COPS2: variants seen among roughly 807,000 people sequenced by gnomAD.
COPS2 encodes COP9 signalosome subunit 2.
Under a neutral mutation model 66.1 loss-of-function variants are expected in COPS2, and 10 were observed. That is an observed-to-expected ratio of 0.15 (90% CI 0.09 to 0.26). The LOEUF (loss-of-function observed/expected upper bound fraction) is 0.26, where lower values mean the gene tolerates loss of function less well. Among genes scored for constraint, COPS2 ranks in the 10% least tolerant of loss-of-function variants. The pLI is 1.00. For synonymous variants in COPS2, 179 were observed against 171.3 expected (o/e 1.04, Z -0.35); for missense variants, 215 against 513.3 (o/e 0.42, Z 5.62).
At chr15:49,135,410 C>T (rs12438777) in intron 6 of COPS2, among the ~76,000 whole-genome samples, 89,346 of 151,930 alleles carry the variant, frequency 0.59, 26,426 homozygotes, top group Middle Eastern at 0.67. Context: ...GCCAAGGTTC[C>T]CGGTCTCAAA....
chr15:49,131,032 T>G (rs2084204527), intron 9 of COPS2, among the ~76,000 whole-genome samples: 1 of 152,152 alleles, frequency 6.6e-6, no homozygotes, highest in Non-Finnish European at 1.5e-5. Flanking sequence ...AAAAGAAAGA[T>G]TAAATAAATC....
rs751093881 is a variant in COPS2 at position 49,145,042 on chromosome 15, C to T, written c.91G>A (p.Asp31Asn). The T allele has an allele frequency of 6.2e-7, 1 of 1,600,394 alleles. No individual in the cohort carries two copies. Among genetic ancestry groups the T allele is most frequent in the Non-Finnish European group, 8.5e-7 (1 of 1,173,310 alleles). Reference sequence around the variant, plus strand: ...GAATTATAGTACTGATTTTCCAAATCCACATTTGGCTCGGAGTTACTATCT... The same window carrying T: ...GAATTATAGTACTGATTTTCCAAATTCACATTTGGCTCGGAGTTACTATCT... ...SEDSNSEPNV[D>N]LENQYYNSKA... Residue 31 changes from aspartate to asparagine, a missense_variant, in exon 2 of 13, where the codon GAT becomes AAT. Asp to Asn is a conservative substitution (Grantham distance 23). Transcript: ENST00000388901.
chr15:49,136,998 A>C (rs2141126719), intron 6 of COPS2, 152 bp downstream of exon 6: 1 of 610,814 alleles, frequency 1.6e-6, no homozygotes, highest in Non-Finnish European at 2.7e-6. Context: ...CTCTCAAAAA[A>C]AAAAAGATAA....
chr15:49,150,244 T>C (rs2084349065), intron 1 of COPS2, among the ~76,000 whole-genome samples: 1 of 109,142 alleles, frequency 9.2e-6, no homozygotes, highest in African/African-American at 3.9e-5. Flanking sequence ...TAAGACTCTA[T>C]CTCAAAAAAA....
At chr15:49,140,989 CAAA>C (rs35853072) in intron 3 of COPS2, among the ~76,000 whole-genome samples, 3 of 98,536 alleles carry the variant, frequency 3.0e-5, no homozygotes, top group Non-Finnish European at 2.2e-5. Flanking sequence ...GTGGATGGGA[CAAA>C]AAAAAAAAAA....
At chr15:49,139,683 T>A (rs2084277432) in intron 3 of COPS2, 30 bp from the exon 4 acceptor site, 4 of 1,546,034 alleles carry the variant, frequency 2.6e-6, no homozygotes, top group East Asian at 2.3e-5. Flanking sequence ...AATTATCAGA[T>A]GCAAATTTAG....
At chr15:49,143,396 G>C (rs116989523) in intron 3 of COPS2, among the ~76,000 whole-genome samples, 1,817 of 152,296 alleles carry the variant, frequency 0.012, 21 homozygotes, top group South Asian at 0.027. Flanking sequence ...AACTGTAGCA[G>C]GGTAAGGATG....
At chr15:49,135,156 C>T (rs1375354619) in intron 6 of COPS2, among the ~76,000 whole-genome samples, 1 of 152,010 alleles carries the variant, frequency 6.6e-6, no homozygotes, top group African/African-American at 2.4e-5. Context: ...ATTTTCAGAC[C>T]ACAGGAAATA....
At chr15:49,145,739 G>A (rs769143298) in intron 1 of COPS2, among the ~76,000 whole-genome samples, 11 of 151,726 alleles carry the variant, frequency 7.2e-5, no homozygotes, top group Non-Finnish European at 1.5e-4. Context: ...AATTCTTAGT[G>A]GAAAAAAAAC....
In COPS2 at chr15:49,130,834, T is replaced by G; in HGVS notation, c.948-18A>C. ...GATAGGCACTAATAGAAAAACAAAGTGTAAATTATGTCAAACATGAAGAAG... is the reference window on the plus strand; with the variant it reads ...GATAGGCACTAATAGAAAAACAAAGGGTAAATTATGTCAAACATGAAGAAG... On this transcript the variant is annotated intron_variant, in intron 9 of 12. Transcript: ENST00000388901. 1 of 1,320,336 alleles carries G rather than the reference T, an allele frequency of 7.6e-7. No homozygotes were observed. The allele number at this position is 1,320,336 out of a possible 1,614,324, so 81.8% of individuals were successfully genotyped here.
chr15:49,143,563 A>G (rs1176730921), intron 3 of COPS2, among the ~76,000 whole-genome samples: 2 of 152,230 alleles, frequency 1.3e-5, no homozygotes, highest in East Asian at 3.8e-4. Context: ...GTAATAGACA[A>G]TGAGAAGAGT....
chr15:49,146,256 T>A (rs78135606), intron 1 of COPS2, among the ~76,000 whole-genome samples: 9,446 of 152,208 alleles, frequency 0.062, 585 homozygotes, highest in African/African-American at 0.15. Context: ...CTTACAGATT[T>A]AAGACCTGGA....
At chr15:49,134,294 T>C (rs767568330) in intron 7 of COPS2, 46 bp downstream of exon 7, 2 of 1,571,960 alleles carry the variant, frequency 1.3e-6, no homozygotes, top group Non-Finnish European at 1.7e-6. Flanking sequence ...TTAAACACTT[T>C]GATATCTCCC....
At chr15:49,134,165 T>C in intron 7 of COPS2, 57 bp from the exon 8 acceptor site, 2 of 1,489,840 alleles carry the variant, frequency 1.3e-6, no homozygotes, top group East Asian at 2.3e-5. Flanking sequence ...ATAACAAAAC[T>C]GACCACCTCA....
At chr15:49,131,120 C>T (rs1199097120) in intron 9 of COPS2, among the ~76,000 whole-genome samples, 1 of 151,904 alleles carries the variant, frequency 6.6e-6, no homozygotes, top group Non-Finnish European at 1.5e-5. Context: ...TAAAAGTTGG[C>T]AATAAAACAT....
Position 49,134,124 on chromosome 15 carries a change from C to T in COPS2, c.716-16G>A. On this transcript the variant is annotated splice_polypyrimidine_tract_variant and intron_variant, in intron 7 of 12. Transcript: ENST00000388901. ...CCACCACATTCTGTGAAGAATAAGACATGAGAAAATAGGACATTTTCAGTT... is the reference window on the plus strand; with the variant it reads ...CCACCACATTCTGTGAAGAATAAGATATGAGAAAATAGGACATTTTCAGTT... 1 of 1,593,008 alleles carries T rather than the reference C, an allele frequency of 6.3e-7. No individual in the cohort carries two copies. The highest frequency in any genetic ancestry group is 8.5e-7 in the Non-Finnish European group (1 of 1,170,660).
At chr15:49,151,078 G>A (rs1450314469) in intron 1 of COPS2, among the ~76,000 whole-genome samples, 1 of 152,072 alleles carries the variant, frequency 6.6e-6, no homozygotes, top group Non-Finnish European at 1.5e-5. Context: ...TTTAGACAAT[G>A]TTTTCCTTGT....
intron 4 of COPS2, 53 bp from the exon 5 acceptor site, chr15:49,137,490 T>A: frequency 7.9e-7 from 1 of 1,259,196 alleles, no homozygotes. Context: ...TTGTACCTGT[T>A]AATAAAGTTA....
At chr15:49,147,865 A>G (rs374984856) in intron 1 of COPS2, among the ~76,000 whole-genome samples, 47 of 152,324 alleles carry the variant, frequency 3.1e-4, no homozygotes, top group African/African-American at 1.1e-3. Flanking sequence ...GCATAACTGC[A>G]ATTCAACTCT....
Sources: allele counts gnomAD v4.1 joint callset (sites outside exome capture counted in the v4.1 genomes callset), GRCh38; gene constraint gnomAD v4.1.1; transcripts MANE v1.5; gene names NCBI Gene and HGNC (gene_info 2026-07-23, HGNC 2026-07-21).